OTOF: variants seen among roughly 807,000 people sequenced by gnomAD.
The protein encoded by OTOF is fer-1-like family member 2.
Under a neutral mutation model 236.8 loss-of-function variants are expected in OTOF, and 218 were observed. That is an observed-to-expected ratio of 0.92 (90% CI 0.82 to 1.03). The LOEUF is 1.03. Among genes scored for constraint, OTOF ranks in the 50% least tolerant of loss-of-function variants. OTOF has a pLI of 0.00. For missense variants in OTOF, 2,590 were observed against 2,694.4 expected (o/e 0.96, Z 0.86); for synonymous variants, 1,041 against 1,072.5 (o/e 0.97, Z 0.57).
intron 35 of OTOF, 81 bp from the exon 36 acceptor site, chr2:26,466,932 C>T (rs755941365): frequency 3.1e-6 from 5 of 1,595,410 alleles, no homozygotes; most frequent in Non-Finnish European, 4.3e-6. Flanking sequence ...ACCAGGAGGG[C>T]TGGACCCTGA....
At chr2:26,539,526 G>C (rs4665876) in intron 1 of OTOF, among the ~76,000 whole-genome samples, 55,522 of 151,998 alleles carry the variant, frequency 0.37, 11,957 homozygotes, top group Admixed American at 0.52. Context: ...ACCTGAGGTC[G>C]GGAGTTCGAG....
chr2:26,479,042 A>G (rs1665442609), intron 18 of OTOF, among the ~76,000 whole-genome samples: 1 of 152,220 alleles, frequency 6.6e-6, no homozygotes, highest in African/African-American at 2.4e-5. Context: ...CAGGGAACCC[A>G]ACACTCCTGC....
intron 1 of OTOF, among the ~76,000 whole-genome samples, chr2:26,552,903 G>A (rs1484414075): frequency 6.6e-6 from 1 of 152,248 alleles, no homozygotes; most frequent in African/African-American, 2.4e-5. Flanking sequence ...CATTCTCCAA[G>A]AGAGGGGGTG....
Position 26,512,225 on chromosome 2 carries a change from G to T in OTOF, c.509+4193C>A, listed in dbSNP as rs140198627. ...GAGAAAATGAGAAGAGGAGATAGTCGCAGAATACTGGGACTCAGGAGGAAA... is the reference window on the plus strand; with the variant it reads ...GAGAAAATGAGAAGAGGAGATAGTCTCAGAATACTGGGACTCAGGAGGAAA... On this transcript the variant is annotated intron_variant, in intron 5 of 46. Coordinates refer to ENST00000272371, the MANE Select transcript of OTOF (RefSeq NM_194248.3). 4.5e-4 allele frequency among the ~76,000 whole-genome samples: 68 copies of T among 152,250 alleles called. No individual in the cohort carries two copies. In the East Asian group the frequency reaches 0.013, roughly 29 times the overall value.
Position 26,461,621 on chromosome 2 carries a change from C to A in OTOF, c.5533+75G>T. On this transcript the variant is annotated intron_variant, in intron 43 of 46. Coordinates refer to ENST00000272371, the MANE Select transcript of OTOF (RefSeq NM_194248.3). This position sits in a 1 kb window ranked among gnomAD's most constrained non-coding sequence, Gnocchi z 6.2. ...CTTGTCCCCCCAAGGCAGGGCTCTC[C>A]CTGTCCCCGCCAACCCGGCCCCTGC... 1 of 1,592,304 alleles carries A rather than the reference C, an allele frequency of 6.3e-7. No homozygotes were observed. The highest frequency in any genetic ancestry group is 1.3e-5 in the African/African-American group (1 of 74,742).
intron 2 of OTOF, among the ~76,000 whole-genome samples, 186 bp downstream of exon 2, chr2:26,537,530 C>A (rs1361819715): frequency 5.3e-5 from 8 of 152,212 alleles, no homozygotes; most frequent in Non-Finnish European, 1.0e-4. Flanking sequence ...CTGGGGGGAA[C>A]ATGGGGGAGG....
chr2:26,528,608 A>G (rs960672302), intron 2 of OTOF, among the ~76,000 whole-genome samples: 4 of 152,106 alleles, frequency 2.6e-5, no homozygotes, highest in Admixed American at 2.0e-4. Flanking sequence ...TTTGATTGGG[A>G]TTTTTCCTGG....
intron 18 of OTOF, chr2:26,478,175 C>T (rs1665412102): frequency 1.9e-6 from 1 of 536,424 alleles, no homozygotes; most frequent in Non-Finnish European, 2.8e-6. Flanking sequence ...GAGGGAGTGG[C>T]TCTGGCTCTG....
intron 1 of OTOF, among the ~76,000 whole-genome samples, chr2:26,544,622 A>G (rs1019652329): frequency 1.3e-5 from 2 of 152,232 alleles, no homozygotes; most frequent in Non-Finnish European, 2.9e-5. Context: ...GGGTTGGGCT[A>G]TATGAGCAAA....
At chr2:26,513,247 C>G (rs1226717252) in intron 5 of OTOF, among the ~76,000 whole-genome samples, 1 of 152,128 alleles carries the variant, frequency 6.6e-6, no homozygotes, top group African/African-American at 2.4e-5. Context: ...GCAGCTGAGG[C>G]CTGAGGTCCA....
chr2:26,552,482 T>G (rs775771693), intron 1 of OTOF, among the ~76,000 whole-genome samples: 1 of 152,200 alleles, frequency 6.6e-6, no homozygotes, highest in Non-Finnish European at 1.5e-5. Context: ...TTCAGAGAAA[T>G]GATTTGCAAG....
At chr2:26,502,194 C>T (rs1424375218) in intron 7 of OTOF, 106 bp downstream of exon 7, 19 of 1,217,632 alleles carry the variant, frequency 1.6e-5, no homozygotes, top group African/African-American at 5.9e-5. Flanking sequence ...AGGAAGAAGC[C>T]GTCCATGAGC....
chr2:26,463,710 T>C, intron 40 of OTOF, 139 bp from the exon 41 acceptor site: 1 of 841,528 alleles, frequency 1.2e-6, no homozygotes, highest in South Asian at 1.5e-5. Flanking sequence ...GGAATTCCTA[T>C]GATGTCACCA....
chr2:26,460,282 A>T lies in OTOF; in HGVS notation c.5814-77T>A. 1 of 1,207,762 alleles carries T rather than the reference A, an allele frequency of 8.3e-7. No individual in the cohort carries two copies. Among genetic ancestry groups the T allele is most frequent in the Non-Finnish European group, 1.2e-6 (1 of 835,036 alleles). The allele number at this position is 1,207,762 out of a possible 1,614,324, so 74.8% of individuals were successfully genotyped here. On this transcript the variant is annotated intron_variant, in intron 45 of 46. Coordinates refer to ENST00000272371, the MANE Select transcript of OTOF (RefSeq NM_194248.3). This position sits in a 1 kb window ranked among gnomAD's most constrained non-coding sequence, Gnocchi z 5.3. ...TTGGGTGTGGCGAGGGGCCAAGACCAAGAGGGAAGCTGTCCTGGGCTGTGT... is the reference window on the plus strand; with the variant it reads ...TTGGGTGTGGCGAGGGGCCAAGACCTAGAGGGAAGCTGTCCTGGGCTGTGT...
intron 12 of OTOF, 137 bp downstream of exon 12, chr2:26,484,336 TG>T: frequency 1.1e-6 from 1 of 881,436 alleles, no homozygotes; most frequent in Non-Finnish European, 1.8e-6. Flanking sequence ...CTCGGAAGAG[TG>T]GGGCTGCTTG....
At chr2:26,531,875 T>C (rs972416270) in intron 2 of OTOF, among the ~76,000 whole-genome samples, 2 of 151,876 alleles carry the variant, frequency 1.3e-5, no homozygotes. Context: ...GGGCAGATGA[T>C]TTGAGGTTAG....
intron 7 of OTOF, 23 bp from the exon 8 acceptor site, chr2:26,501,831 A>G (rs765339200): frequency 1.9e-6 from 3 of 1,599,116 alleles, no homozygotes; most frequent in Non-Finnish European, 8.6e-7. Context: ...ATGTACCATC[A>G]GGCCTGGGGT....
At chr2:26,471,271 C>T (rs1160487325) in intron 30 of OTOF, 121 bp from the exon 31 acceptor site, 1 of 1,185,182 alleles carries the variant, frequency 8.4e-7, no homozygotes, top group African/African-American at 1.5e-5. Flanking sequence ...CTGGCAGCCC[C>T]TGTGCCCGCA....
rs1043617443 is a variant in OTOF at position 26,484,377 on chromosome 2, A to G, written c.1205+97T>C. ...AGTGAGCGAGAGCAGGGTGAGGGAG[A>G]CGGGTGGCAGGTGCTCTCAGCAAAC... On this transcript the variant is annotated intron_variant, in intron 12 of 46. Coordinates refer to ENST00000272371, the MANE Select transcript of OTOF (RefSeq NM_194248.3). 3.9e-6 allele frequency: 5 copies of G among 1,283,864 alleles called. No homozygotes were observed. In the African/African-American group the frequency reaches 7.3e-5, roughly 19 times the overall value. The allele number at this position is 1,283,864 out of a possible 1,614,324, so 79.5% of individuals were successfully genotyped here.
Sources: gnomAD v4.1 joint callset for allele counts (sites outside exome capture counted in the v4.1 genomes callset) on GRCh38, gnomAD v4.1.1 for gene constraint, Gnocchi (gnomAD v3.1) non-coding constraint, MANE v1.5 for transcripts, NCBI Gene and HGNC (gene_info 2026-07-23, HGNC 2026-07-21) for gene names.